The following PIK3C2G variants were observed in gnomAD, a reference collection of about 807,000 sequenced individuals.
PIK3C2G encodes phosphatidylinositol 3-kinase C2 domain-containing subunit gamma.
Under a neutral mutation model 181.1 loss-of-function variants are expected in PIK3C2G, and 168 were observed. The ratio of observed to expected loss-of-function variants is 0.93; its 90% CI spans 0.82 to 1.05. PIK3C2G has a LOEUF of 1.05. Ranked by LOEUF, PIK3C2G falls within the 50% of genes least tolerant of loss-of-function variation. The probability of loss-of-function intolerance (pLI) is 0.00; values close to 1 mark genes in which losing one functional copy is unlikely to be tolerated. For missense variants in PIK3C2G, 1,869 were observed against 1,732.8 expected, an observed-to-expected ratio of 1.08 and a Z score of -1.40; for synonymous variants, 573 against 592.2, an observed-to-expected ratio of 0.97 and a Z score of 0.47.
chr12:18,377,026 G>A (rs779785246), intron 13 of PIK3C2G, among the ~76,000 whole-genome samples: 2 of 152,148 alleles, frequency 1.3e-5, no homozygotes, highest in Non-Finnish European at 2.9e-5. Context: ...TACACAACAG[G>A]GTTCCAGCTC....
intron 31 of PIK3C2G, among the ~76,000 whole-genome samples, chr12:18,625,578 A>G (rs559053093): frequency 6.6e-6 from 1 of 151,714 alleles, no homozygotes; most frequent in African/African-American, 2.4e-5. Context: ...TTCCTTATTA[A>G]TTTTCTGTAT....
the PIK3C2G span, among the ~76,000 whole-genome samples, chr12:18,684,464 C>T: frequency 1.3e-5 from 2 of 152,004 alleles, no homozygotes; most frequent in Non-Finnish European, 2.9e-5. Flanking sequence ...TGAGTGTTTA[C>T]TATTGCTGGG....
At chr12:18,565,371 T>C (rs1565513858) in intron 28 of PIK3C2G, among the ~76,000 whole-genome samples, 1 of 152,160 alleles carries the variant, frequency 6.6e-6, no homozygotes, top group Non-Finnish European at 1.5e-5. Context: ...AAATTAATAA[T>C]CTTTTTTAGA....
rs144470195 is a variant in PIK3C2G, at chr12:18,322,316, A to G, written c.1208+1284A>G. Among the ~76,000 whole-genome samples the G allele has an allele frequency of 6.6e-3, 1,004 of 151,752 alleles. 11 individuals are homozygous for G. The highest frequency in any genetic ancestry group is 0.023 in the African/African-American group (969 of 41,292). ...AGAATCACTTGAACCCAGGATGTGG[A>G]GGTTGCAGTAAGCTGAGATCACGCC... On this transcript the variant is annotated intron_variant, in intron 7 of 32. Coordinates refer to ENST00000538779, the MANE Select transcript of PIK3C2G (RefSeq NM_001288772.2).
intron 26 of PIK3C2G, among the ~76,000 whole-genome samples, chr12:18,555,815 C>G (rs2136306075): frequency 6.6e-6 from 1 of 152,156 alleles, no homozygotes; most frequent in South Asian, 2.1e-4. Flanking sequence ...TTTTTAAAAT[C>G]CACAGTGAGA....
chr12:18,582,619 C>T (rs1050644597), intron 29 of PIK3C2G, among the ~76,000 whole-genome samples: 5 of 152,144 alleles, frequency 3.3e-5, no homozygotes, highest in African/African-American at 9.7e-5. Flanking sequence ...GTGCAGGCTC[C>T]GCTTCCACAG....
intron 1 of PIK3C2G, among the ~76,000 whole-genome samples, chr12:18,272,802 A>G (rs1565539715): frequency 6.6e-6 from 1 of 152,140 alleles, no homozygotes; most frequent in Non-Finnish European, 1.5e-5. Flanking sequence ...GAGTCACAGG[A>G]CATCCTAGCT....
chr12:18,701,691 C>G, the PIK3C2G span: 2 of 1,609,912 alleles, frequency 1.2e-6, no homozygotes, highest in Non-Finnish European at 1.7e-6. Context: ...CTCCACCTTA[C>G]CACGCTTATC....
In PIK3C2G at chr12:18,648,273, A is replaced by G. The variant is rs886237381; in HGVS notation, c.*245A>G. On this transcript the variant is annotated 3_prime_UTR_variant, in exon 33 of 33. Transcript: ENST00000538779. Reference sequence around the variant, plus strand: ...ATGAAATTTGATGTGTAAAATAATAAAAGACCTTTATTAAATCATTTTAAT... The same window carrying G: ...ATGAAATTTGATGTGTAAAATAATAGAAGACCTTTATTAAATCATTTTAAT... The G allele has an allele frequency of 3.8e-6, 1 of 263,996 alleles. No homozygotes were observed. Among genetic ancestry groups the G allele is most frequent in the Non-Finnish European group, 7.1e-6 (1 of 139,928 alleles). 16.4% of individuals were successfully genotyped at this position (263,996 alleles called of 1,614,324 possible).
chr12:18,363,423 C>T (rs764518332), intron 12 of PIK3C2G, among the ~76,000 whole-genome samples: 1 of 152,002 alleles, frequency 6.6e-6, no homozygotes, highest in Admixed American at 6.6e-5. Flanking sequence ...AAGTAACTTC[C>T]TAACATTATC....
chr12:18,321,662 A>G (rs779231844), intron 7 of PIK3C2G, among the ~76,000 whole-genome samples: 1 of 152,186 alleles, frequency 6.6e-6, no homozygotes, highest in Non-Finnish European at 1.5e-5. Flanking sequence ...CTGATATAAC[A>G]TATCAGCTAA....
At chr12:18,272,427 T>C (rs141577825) in intron 1 of PIK3C2G, among the ~76,000 whole-genome samples, 2 of 152,324 alleles carry the variant, frequency 1.3e-5, no homozygotes, top group Non-Finnish European at 1.5e-5. Flanking sequence ...CTTCTTGTGA[T>C]ATTAGCAGTC....
At chr12:18,559,779 TATATA>T (rs1945204800) in intron 26 of PIK3C2G, among the ~76,000 whole-genome samples, 8 of 35,830 alleles carry the variant, frequency 2.2e-4, no homozygotes, top group Non-Finnish European at 3.1e-4. Flanking sequence ...TATGAAATTA[TATATA>T]TATATATATA....
chr12:18,414,478 CA>C (rs912259426), intron 16 of PIK3C2G, among the ~76,000 whole-genome samples: 23 of 151,902 alleles, frequency 1.5e-4, no homozygotes, highest in African/African-American at 5.6e-4. Context: ...CATTATACTA[CA>C]AAAAATGGCT....
the PIK3C2G span, among the ~76,000 whole-genome samples, chr12:18,662,233 T>A: frequency 2.0e-5 from 3 of 152,076 alleles, no homozygotes; most frequent in African/African-American, 4.8e-5. Context: ...ACCTGGCTGA[T>A]GAAATAATCT....
chr12:18,491,423 A>T, intron 19 of PIK3C2G, 28 bp from the exon 20 acceptor site: 2 of 1,167,896 alleles, frequency 1.7e-6, no homozygotes, highest in Non-Finnish European at 1.3e-6. Context: ...ACATTTTCTT[A>T]AATCCTTTTT....
chr12:18,650,704 GTATATA>G (rs1361372584), downstream of PIK3C2G, among the ~76,000 whole-genome samples: 131 of 57,744 alleles, frequency 2.3e-3, 1 homozygote, highest in African/African-American at 3.3e-3. Context: ...GTGTGTGTGT[GTATATA>G]TCTATATATA....
At chr12:18,333,793 T>A (rs900922273) in intron 8 of PIK3C2G, among the ~76,000 whole-genome samples, 1 of 152,194 alleles carries the variant, frequency 6.6e-6, no homozygotes, top group Non-Finnish European at 1.5e-5. Context: ...GTGTCTAATA[T>A]AAATAGAAAC....
At chr12:18,711,199 C>A in the PIK3C2G span, among the ~76,000 whole-genome samples, 4 of 151,688 alleles carry the variant, frequency 2.6e-5, no homozygotes, top group East Asian at 5.8e-4. Flanking sequence ...GAATACTATG[C>A]AACCATAAAA....
Sources: gnomAD v4.1 joint callset for allele counts (sites outside exome capture counted in the v4.1 genomes callset) on GRCh38, gnomAD v4.1.1 for gene constraint, MANE v1.5 for transcripts, NCBI Gene and HGNC (gene_info 2026-07-23, HGNC 2026-07-21) for gene names.